DHRS9: variants seen among roughly 807,000 people sequenced by gnomAD.
The protein encoded by DHRS9 is dehydrogenase/reductase 9.
A neutral mutation model predicts 26.6 loss-of-function variants in DHRS9; 18 were observed. The observed-to-expected ratio is 0.68, with a 90% confidence interval of 0.47 to 1.00. The LOEUF (loss-of-function observed/expected upper bound fraction) is 1.00, where lower values mean the gene tolerates loss of function less well. Ranked by LOEUF, DHRS9 falls within the 50% of genes least tolerant of loss-of-function variation. DHRS9 has a pLI of 0.00. For missense variants in DHRS9, 425 were observed against 378.7 expected (o/e 1.12, Z -1.01); for synonymous variants, 134 against 141.1 (o/e 0.95, Z 0.36).
chr2:169,073,424 A>G (rs918280317), intron 1 of DHRS9, among the ~76,000 whole-genome samples: 1 of 152,224 alleles, frequency 6.6e-6, no homozygotes, highest in Non-Finnish European at 1.5e-5. Flanking sequence ...CACTCAATGA[A>G]CCATAGCAGT....
At position 169,091,754 on chromosome 2, in the gene DHRS9, C is replaced by T. The variant is rs767764666; in HGVS notation, c.573-36C>T. The T allele has an allele frequency of 4.5e-6, 7 of 1,553,796 alleles. No homozygotes were observed. In the African/African-American group the frequency reaches 8.3e-5, roughly 18 times the overall value. ...AAATAGCAAATATTTTCTAAACAAA[C>T]CCGGATTAAACATCTTCAATGGGTT... On this transcript the variant is annotated intron_variant, in intron 3 of 4. Coordinates refer to ENST00000674881, the MANE Select transcript of DHRS9 (RefSeq NM_001376924.1).
intron 1 of DHRS9, among the ~76,000 whole-genome samples, chr2:169,072,894 T>A (rs910916867): frequency 7.9e-5 from 12 of 152,212 alleles, no homozygotes; most frequent in Non-Finnish European, 1.6e-4. Flanking sequence ...AGTTATGACC[T>A]CTACTCTACA....
chr2:169,068,449 C>T (rs1212158694), upstream of DHRS9, among the ~76,000 whole-genome samples: 1 of 152,076 alleles, frequency 6.6e-6, no homozygotes, highest in East Asian at 1.9e-4. Context: ...CTTAGCTTAC[C>T]AAGTTGCTGG....
At chr2:169,092,188 T>G (rs867920671) in intron 4 of DHRS9, among the ~76,000 whole-genome samples, 1 of 152,240 alleles carries the variant, frequency 6.6e-6, no homozygotes, top group South Asian at 2.1e-4. Context: ...AATTATATTA[T>G]TTACTCCTCA....
chr2:169,087,059 C>T (rs755699881), intron 3 of DHRS9, among the ~76,000 whole-genome samples: 20 of 152,090 alleles, frequency 1.3e-4, no homozygotes, highest in Non-Finnish European at 2.6e-4. Flanking sequence ...TCCTTCCCTT[C>T]GGGGTGGCAA....
At position 169,095,685 on chromosome 2, in the gene DHRS9, C is replaced by T; in HGVS notation, c.878C>T (p.Pro293Leu). The T allele has an allele frequency of 6.2e-7, 1 of 1,613,982 alleles. No individual in the cohort carries two copies. Among genetic ancestry groups the T allele is most frequent in the African/African-American group, 1.3e-5 (1 of 75,034 alleles). ...AGKDAKIFWIPLSHMPAALQD... is the reference protein window; with the variant it reads ...AGKDAKIFWILLSHMPAALQD... The stretch of plus-strand genomic sequence containing the variant: ...AAAGATGCCAAAATTTTCTGGATAC[C>T]TCTGTCTCACATGCCAGCAGCTTTG... Residue 293 changes from proline to leucine, a missense_variant, in exon 5 of 5, where the codon CCT (proline) becomes CTT (leucine). By Grantham distance (98) the Pro-to-Leu change is moderately conservative (BLOSUM62 -3). Transcript: ENST00000674881.
chr2:169,068,645 G>C (rs1683714356), upstream of DHRS9, among the ~76,000 whole-genome samples: 1 of 152,206 alleles, frequency 6.6e-6, no homozygotes, highest in African/African-American at 2.4e-5. Context: ...AAGGGTGATA[G>C]CAGTGTCCTG....
chr2:169,080,045 G>GAA (rs1416314367), intron 1 of DHRS9, among the ~76,000 whole-genome samples: 1 of 136,148 alleles, frequency 7.3e-6, no homozygotes, highest in Non-Finnish European at 1.6e-5. Context: ...AAGAAAGAAA[G>GAA]AAAGAAAATA....
intron 1 of DHRS9, chr2:169,070,389 T>C: frequency 3.0e-6 from 3 of 985,410 alleles, no homozygotes; most frequent in South Asian, 4.7e-5. Flanking sequence ...TGACTTGATG[T>C]TTAGGAGGTG....
At chr2:169,085,711 T>G (rs1684329352) in intron 3 of DHRS9, among the ~76,000 whole-genome samples, 1 of 152,220 alleles carries the variant, frequency 6.6e-6, no homozygotes, top group Non-Finnish European at 1.5e-5. Flanking sequence ...GATTTTTGTA[T>G]GTTGATTTTG....
At chr2:169,068,088 C>T (rs977078857), upstream of DHRS9, among the ~76,000 whole-genome samples, 4 of 152,194 alleles carry the variant, frequency 2.6e-5, no homozygotes, top group Admixed American at 1.3e-4. Context: ...TTTCAGTTAA[C>T]ACTGCATGAC....
At chr2:169,074,799 G>A (rs1683915313) in intron 1 of DHRS9, among the ~76,000 whole-genome samples, 1 of 143,750 alleles carries the variant, frequency 7.0e-6, no homozygotes, top group South Asian at 2.2e-4. Context: ...TAAGGAGAGT[G>A]TAGCAAAACT....
At chr2:169,069,508 A>G (rs1485105841), upstream of DHRS9, 11 of 985,264 alleles carry the variant, frequency 1.1e-5, no homozygotes, top group African/African-American at 3.5e-5. Context: ...TTGTGTCACA[A>G]TGGGAGTGAC....
rs768632348 is a variant in DHRS9, at chr2:169,081,707, A to C, written c.126A>C (p.Gly42=). The part of the protein sequence containing the change: ...IFITGCDSGF[G]NLAARTFDKK... ...TCACTGGATGTGACTCGGGCTTTGGAAACTTGGCAGCCAGAACTTTTGATA... is the reference window on the plus strand; with the variant it reads ...TCACTGGATGTGACTCGGGCTTTGGCAACTTGGCAGCCAGAACTTTTGATA... Residue 42 remains glycine, a synonymous_variant, in exon 2 of 5, where the codon GGA becomes GGC. Transcript: ENST00000674881. 1.2e-5 allele frequency: 20 copies of C among 1,614,172 alleles called. No homozygotes were observed. In the Admixed American group the frequency reaches 3.2e-4, roughly 26 times the overall value.
chr2:169,077,984 T>A (rs1684014338), intron 1 of DHRS9, among the ~76,000 whole-genome samples: 1 of 152,242 alleles, frequency 6.6e-6, no homozygotes, highest in African/African-American at 2.4e-5. Context: ...TCAGCAATCA[T>A]GGACAAGATG....
At chr2:169,081,975 T>C in intron 2 of DHRS9, 81 bp downstream of exon 2, 1 of 1,375,300 alleles carries the variant, frequency 7.3e-7, no homozygotes, top group Non-Finnish European at 9.8e-7. Context: ...CATGCTCAAG[T>C]TTTAAATGGC....
At chr2:169,082,672 A>C (rs1320336294) in intron 2 of DHRS9, among the ~76,000 whole-genome samples, 1 of 152,224 alleles carries the variant, frequency 6.6e-6, no homozygotes, top group Non-Finnish European at 1.5e-5. Flanking sequence ...TAAACAAGCC[A>C]AGTGAATGAC....
Position 169,069,582 on chromosome 2 carries a change from C to G in DHRS9, c.-195C>G, listed in dbSNP as rs1330163888. On this transcript the variant is annotated 5_prime_UTR_variant, in exon 1 of 5. Coordinates refer to ENST00000674881, the MANE Select transcript of DHRS9 (RefSeq NM_001376924.1). The stretch of plus-strand genomic sequence containing the variant: ...TGTAGTACTCAGAGCTCTACGGAAA[C>G]CCAGGCACCTCGACCTCAAGAGGAT... 4 of 985,256 alleles carry G rather than the reference C, an allele frequency of 4.1e-6. No individual in the cohort carries two copies. In the African/African-American group the frequency reaches 5.2e-5, roughly 13 times the overall value. The allele number at this position is 985,256 out of a possible 1,614,324, so 61.0% of individuals were successfully genotyped here.
intron 3 of DHRS9, among the ~76,000 whole-genome samples, chr2:169,089,941 G>C (rs1272416613): frequency 6.6e-6 from 1 of 152,094 alleles, no homozygotes; most frequent in African/African-American, 2.4e-5. Flanking sequence ...GTTGACCTTT[G>C]TTTCCACTCT....
Sources: gnomAD v4.1 joint callset for allele counts (sites outside exome capture counted in the v4.1 genomes callset) on GRCh38, gnomAD v4.1.1 for gene constraint, MANE v1.5 for transcripts, NCBI Gene and HGNC (gene_info 2026-07-23, HGNC 2026-07-21) for gene names.